The following SPTLC3 variants were observed in gnomAD, a reference collection of about 807,000 sequenced individuals.
SPTLC3 encodes serine palmitoyltransferase 3.
A neutral mutation model predicts 59.3 loss-of-function variants in SPTLC3; 36 were observed. That is an observed-to-expected ratio of 0.61 (90% confidence interval 0.47 to 0.80). SPTLC3 has a LOEUF of 0.80. Among genes scored for constraint, SPTLC3 ranks in the 30% least tolerant of loss-of-function variants. The pLI is 0.00. For synonymous variants in SPTLC3, 257 were observed against 240.8 expected (o/e 1.07, Z -0.62); for missense variants, 625 against 685.1 (o/e 0.91, Z 0.98).
intron 6 of SPTLC3, among the ~76,000 whole-genome samples, chr20:13,098,754 C>T (rs1249079904): frequency 6.6e-6 from 1 of 152,128 alleles, no homozygotes; most frequent in Non-Finnish European, 1.5e-5. Flanking sequence ...ATTTATTTAG[C>T]CCTGTGAAGA....
At chr20:13,106,418 C>G (rs1015480935) in intron 6 of SPTLC3, among the ~76,000 whole-genome samples, 2 of 152,036 alleles carry the variant, frequency 1.3e-5, no homozygotes, top group Admixed American at 6.6e-5. Flanking sequence ...GGAGGGACAC[C>G]AAGGAGGAAG....
intron 6 of SPTLC3, among the ~76,000 whole-genome samples, chr20:13,095,840 C>A (rs962713265): frequency 6.6e-6 from 1 of 152,082 alleles, no homozygotes; most frequent in Non-Finnish European, 1.5e-5. Context: ...CACTCTTGAT[C>A]GAAAGTTGGC....
intron 9 of SPTLC3, among the ~76,000 whole-genome samples, chr20:13,144,860 C>T (rs1322899170): frequency 3.9e-5 from 6 of 152,220 alleles, no homozygotes; most frequent in African/African-American, 7.2e-5. Flanking sequence ...CTGCAAGCTC[C>T]GCCTCCCAGG....
intron 2 of SPTLC3, among the ~76,000 whole-genome samples, chr20:13,055,246 T>G (rs1253869864): frequency 6.6e-6 from 1 of 151,456 alleles, no homozygotes; most frequent in Non-Finnish European, 1.5e-5. Flanking sequence ...GGTTCTTGAG[T>G]TATAAAGGAT....
rs536263617 is a variant in SPTLC3 at position 13,138,330 on chromosome 20, C to G, written c.1279+11613C>G. On this transcript the variant is annotated intron_variant, in intron 9 of 11. Coordinates refer to ENST00000399002, the MANE Select transcript of SPTLC3 (RefSeq NM_018327.4). ...CAGCTTTTCCTCTATCTGGAAGGCTCTCATCCCTCCCCACAATACACTACC... is the reference window on the plus strand; with the variant it reads ...CAGCTTTTCCTCTATCTGGAAGGCTGTCATCCCTCCCCACAATACACTACC... Among the ~76,000 whole-genome samples, 4 of 152,250 alleles carry G rather than the reference C, an allele frequency of 2.6e-5. No individual in the cohort carries two copies. The East Asian group carries it at 5.8e-4, about 22-fold the overall frequency.
chr20:13,117,395 A>T, intron 7 of SPTLC3, 111 bp from the exon 8 acceptor site: 5 of 1,055,378 alleles, frequency 4.7e-6, no homozygotes, highest in Non-Finnish European at 6.7e-6. Flanking sequence ...CCTTCAGAAC[A>T]AAGGAATGGC....
rs1184747100 is a variant in SPTLC3 at position 13,165,661 on chromosome 20, G to A, written c.*794G>A. Reference sequence around the variant, plus strand: ...TTACAACAATTTGAACCTTGTTGGTGCAGTGCACGGTGAATGCTTACCCTG... The same window carrying A: ...TTACAACAATTTGAACCTTGTTGGTACAGTGCACGGTGAATGCTTACCCTG... On this transcript the variant is annotated 3_prime_UTR_variant, in exon 12 of 12. Transcript: ENST00000399002. 1.3e-5 allele frequency: 2 copies of A among 152,176 alleles called. No homozygotes were observed. Among genetic ancestry groups the A allele is most frequent in the Admixed American group, 6.5e-5 (1 of 15,274 alleles). The allele number at this position is 152,176 out of a possible 1,614,324, so 9.4% of individuals were successfully genotyped here.
At chr20:13,062,180 G>A (rs1222511563) in intron 2 of SPTLC3, among the ~76,000 whole-genome samples, 2 of 152,118 alleles carry the variant, frequency 1.3e-5, no homozygotes, top group African/African-American at 4.8e-5. Flanking sequence ...AGCTTTAAAT[G>A]CAGCCAGAAT....
At chr20:13,105,306 A>C (rs1163956915) in intron 6 of SPTLC3, among the ~76,000 whole-genome samples, 2 of 152,094 alleles carry the variant, frequency 1.3e-5, no homozygotes, top group Non-Finnish European at 2.9e-5. Flanking sequence ...TCTGCTCAAG[A>C]ATCCTGGTGT....
intron 4 of SPTLC3, among the ~76,000 whole-genome samples, chr20:13,081,576 G>A (rs572984869): frequency 8.5e-5 from 13 of 152,118 alleles, no homozygotes; most frequent in Middle Eastern, 3.4e-3. Context: ...CCTTAAGAAC[G>A]AGCAGTTTCT....
intron 10 of SPTLC3, among the ~76,000 whole-genome samples, chr20:13,159,542 C>T (rs1479209553): frequency 1.3e-5 from 2 of 152,092 alleles, no homozygotes; most frequent in Non-Finnish European, 2.9e-5. Flanking sequence ...ATTGAAATTT[C>T]CACATTGTAT....
chr20:13,075,680 C>T (rs575081407), intron 4 of SPTLC3, among the ~76,000 whole-genome samples: 1 of 152,202 alleles, frequency 6.6e-6, no homozygotes, highest in Admixed American at 6.5e-5. Flanking sequence ...ACCGGTGATG[C>T]CCCATTTGGA....
At chr20:13,093,121 C>T (rs6109693) in intron 5 of SPTLC3, among the ~76,000 whole-genome samples, 6,701 of 152,246 alleles carry the variant, frequency 0.044, 199 homozygotes, top group South Asian at 0.088. Flanking sequence ...CAAATAATCT[C>T]TCATGGAAGT....
intron 1 of SPTLC3, among the ~76,000 whole-genome samples, chr20:13,038,127 T>C (rs1201375017): frequency 6.6e-6 from 1 of 151,558 alleles, no homozygotes; most frequent in East Asian, 1.9e-4. Flanking sequence ...TCACCATTGA[T>C]ATATTATTGG....
At chr20:13,147,713 C>G (rs74808942) in intron 9 of SPTLC3, among the ~76,000 whole-genome samples, 2 of 152,152 alleles carry the variant, frequency 1.3e-5, no homozygotes, top group Admixed American at 6.5e-5. Flanking sequence ...CTTCCCATCT[C>G]TAAAGACAAG....
intron 2 of SPTLC3, 130 bp downstream of exon 2, chr20:13,049,260 T>A: frequency 9.7e-7 from 1 of 1,027,650 alleles, no homozygotes; most frequent in Non-Finnish European, 1.5e-6. Flanking sequence ...CAAATTTCAT[T>A]CATCTCCACC....
At chr20:13,103,476 C>G (rs1989697494) in intron 6 of SPTLC3, among the ~76,000 whole-genome samples, 1 of 152,188 alleles carries the variant, frequency 6.6e-6, no homozygotes, top group Non-Finnish European at 1.5e-5. Flanking sequence ...CATTCATCAT[C>G]CATCCATCTT....
chr20:13,119,255 C>T (rs754020246), intron 8 of SPTLC3, among the ~76,000 whole-genome samples: 11 of 152,160 alleles, frequency 7.2e-5, no homozygotes, highest in Admixed American at 1.3e-4. Flanking sequence ...CTGAATAAAC[C>T]GAAGCAAGCC....
intron 6 of SPTLC3, among the ~76,000 whole-genome samples, chr20:13,104,327 A>G (rs570871619): frequency 1.2e-4 from 19 of 152,186 alleles, no homozygotes; most frequent in Non-Finnish European, 2.2e-4. Context: ...TAATTGAATT[A>G]TGGGGGCGGT....
Sources: allele counts gnomAD v4.1 joint callset (sites outside exome capture counted in the v4.1 genomes callset), GRCh38; gene constraint gnomAD v4.1.1; transcripts MANE v1.5; gene names NCBI Gene and HGNC (gene_info 2026-07-23, HGNC 2026-07-21).